The following CD53 variants were observed in gnomAD, a reference collection of about 807,000 sequenced individuals.
CD53 encodes the protein leukocyte surface antigen CD53.
A neutral mutation model predicts 27.3 loss-of-function variants in CD53; 20 were observed. The observed-to-expected ratio is 0.73, with a 90% CI of 0.52 to 1.07. The LOEUF (loss-of-function observed/expected upper bound fraction) is 1.07, where lower values mean the gene tolerates loss of function less well. CD53 is among the 50% of genes least tolerant of loss of function. CD53 has a pLI of 0.00. For missense variants in CD53, 216 were observed against 264.0 expected (o/e 0.82, Z 1.26); for synonymous variants, 106 against 105.3 (o/e 1.01, Z -0.04).
intron 1 of CD53, 66 bp from the exon 2 acceptor site, chr1:110,891,326 G>C: frequency 9.2e-7 from 1 of 1,082,950 alleles, no homozygotes; most frequent in Admixed American, 1.7e-5. Context: ...CTGAACATTT[G>C]TGCACTCTGA....
intron 1 of CD53, among the ~76,000 whole-genome samples, chr1:110,879,563 G>GT (rs981965954): frequency 2.5e-4 from 38 of 151,064 alleles, no homozygotes; most frequent in East Asian, 9.7e-4. Context: ...CTCTTACACT[G>GT]TTTTTTTTTC....
chr1:110,895,194 C>T, intron 5 of CD53, 139 bp downstream of exon 5: 1 of 655,706 alleles, frequency 1.5e-6, no homozygotes, highest in Non-Finnish European at 2.8e-6. Context: ...CCTTGGCTAT[C>T]ACAAACATGG....
At chr1:110,894,808 C>A in intron 4 of CD53, 152 bp from the exon 5 acceptor site, 1 of 644,838 alleles carries the variant, frequency 1.6e-6, no homozygotes, top group Non-Finnish European at 2.9e-6. Context: ...CCTGTATGCC[C>A]ATAGATAAAC....
intron 1 of CD53, among the ~76,000 whole-genome samples, chr1:110,881,071 G>C (rs188163437): frequency 4.3e-4 from 66 of 152,314 alleles, no homozygotes; most frequent in Admixed American, 2.1e-3. Context: ...TACAGGGGGT[G>C]TTGCCATGAG....
chr1:110,880,466 T>C (rs1656313378), intron 1 of CD53: 1 of 152,132 alleles, frequency 6.6e-6, no homozygotes, highest in South Asian at 2.1e-4. Flanking sequence ...TGTGGGCACC[T>C]AGCCAGCTGG....
chr1:110,898,489 T>C (rs1416032104), intron 7 of CD53, among the ~76,000 whole-genome samples: 2 of 152,008 alleles, frequency 1.3e-5, no homozygotes, highest in African/African-American at 4.8e-5. Flanking sequence ...AATCCCACTG[T>C]GATCCCTCCT....
chr1:110,886,862 TATA>T lies in CD53; in HGVS notation c.-17-4529_-17-4527del, dbSNP rs1425149694. On this transcript the variant is annotated intron_variant, in intron 1 of 7. Transcript: ENST00000271324. The stretch of plus-strand genomic sequence containing the variant: ...TCTGTCTCCAATATATATATATATA[TATA>T]TATATTTTTTTTTTCTGTCTGTGTT... 2.3e-4 allele frequency among the ~76,000 whole-genome samples: 18 copies of T among 77,026 alleles called. No individual in the cohort carries two copies. The East Asian group carries it at 3.0e-3, about 13-fold the overall frequency. 50.5% of individuals were successfully genotyped at this position (77,026 alleles called of 152,430 possible).
chr1:110,893,977 G>A (rs1656956642), intron 3 of CD53, among the ~76,000 whole-genome samples: 1 of 152,114 alleles, frequency 6.6e-6, no homozygotes, highest in South Asian at 2.1e-4. Context: ...AAAGGACCAG[G>A]CCCCAAATGA....
intron 3 of CD53, chr1:110,892,833 G>A (rs1656910942): frequency 3.9e-6 from 1 of 254,340 alleles, no homozygotes; most frequent in Admixed American, 4.9e-5. Flanking sequence ...ATGTCTGGAT[G>A]AAATCAGGTG....
chr1:110,877,772 A>G (rs1353221), intron 1 of CD53, among the ~76,000 whole-genome samples: 108,975 of 152,184 alleles, frequency 0.72, 41,422 homozygotes, highest in Non-Finnish European at 0.84. Context: ...GGAGAGATGA[A>G]TGGACACGAA....
At chr1:110,879,521 TCA>T (rs34589428) in intron 1 of CD53, among the ~76,000 whole-genome samples, 32,555 of 152,164 alleles carry the variant, frequency 0.21, 4,295 homozygotes, top group Middle Eastern at 0.36. Context: ...TCTTAGAGAC[TCA>T]CAGTGCACAT....
upstream of CD53, among the ~76,000 whole-genome samples, chr1:110,872,735 A>G (rs1227056409): frequency 6.6e-6 from 1 of 152,176 alleles, no homozygotes; most frequent in Admixed American, 6.5e-5. Context: ...GGGCCTAGAA[A>G]ATGTTTAGAA....
intron 3 of CD53, 147 bp from the exon 4 acceptor site, chr1:110,894,180 A>G (rs967822050): frequency 1.5e-5 from 10 of 676,114 alleles, no homozygotes; most frequent in Non-Finnish European, 2.4e-5. Context: ...ATATTTTCAC[A>G]AAACAAAAGA....
chr1:110,879,180 C>G (rs1164494009), intron 1 of CD53, among the ~76,000 whole-genome samples: 1 of 152,230 alleles, frequency 6.6e-6, no homozygotes, highest in East Asian at 1.9e-4. Flanking sequence ...TAGGTAAGGT[C>G]TGAACTTGAT....
chr1:110,897,842 T>A lies in CD53; in HGVS notation c.538T>A (p.Ser180Thr), dbSNP rs1376645702. The A allele has an allele frequency of 2.5e-6, 4 of 1,612,600 alleles. No homozygotes were observed. The East Asian group carries it at 8.9e-5, about 36-fold the overall frequency. ...CYAKARLWFH[S>T]NFLYIGIITI... ...TGCGAAAGCAAGACTGTGGTTTCAT[T>A]CCAATTTCCTGTATATCGGAATCAT... is the stretch of plus-strand genomic sequence containing the variant. The change falls in exon 7 of 8, where the codon TCC becomes ACC. Residue 180 changes from serine (S) to threonine (T), a missense_variant. Transcript: ENST00000271324.
chr1:110,883,108 A>T (rs1267247929), intron 1 of CD53, among the ~76,000 whole-genome samples: 3 of 151,984 alleles, frequency 2.0e-5, no homozygotes, highest in African/African-American at 7.2e-5. Context: ...AGAGTAGTTA[A>T]GAGTAAACAG....
intron 1 of CD53, among the ~76,000 whole-genome samples, chr1:110,890,323 T>G (rs559622513): frequency 3.3e-5 from 5 of 152,264 alleles, no homozygotes; most frequent in African/African-American, 1.2e-4. Flanking sequence ...TCCCAGCACT[T>G]TGGGAGGCCG....
chr1:110,893,890 T>C (rs1361416187), intron 3 of CD53, among the ~76,000 whole-genome samples: 1 of 152,220 alleles, frequency 6.6e-6, no homozygotes, highest in Non-Finnish European at 1.5e-5. Flanking sequence ...GCTAGGACCC[T>C]TCTTTCTACC....
intron 1 of CD53, among the ~76,000 whole-genome samples, chr1:110,873,728 C>T (rs1656029960): frequency 6.6e-6 from 1 of 152,194 alleles, no homozygotes; most frequent in Non-Finnish European, 1.5e-5. Context: ...GTGACTCCCA[C>T]TGTGGTTCTT....
Sources: gnomAD v4.1 joint callset for allele counts (sites outside exome capture counted in the v4.1 genomes callset) on GRCh38, gnomAD v4.1.1 for gene constraint, MANE v1.5 for transcripts, NCBI Gene and HGNC (gene_info 2026-07-23, HGNC 2026-07-21) for gene names.